Variants in BRWD3 observed in about 807,000 individuals in gnomAD.
BRWD3 encodes bromodomain and WD repeat domain containing 3.
BRWD3 carries 10 observed loss-of-function variants against 149.7 expected under a neutral mutation model. That is an observed-to-expected ratio of 0.07 (90% CI 0.04 to 0.11). The LOEUF is 0.11. BRWD3 is among the 10% of genes least tolerant of loss of function. BRWD3 has a pLI of 1.00. For synonymous variants in BRWD3, 504 were observed against 456.7 expected (o/e 1.10, Z -1.32); for missense variants, 940 against 1,373.2 (o/e 0.68, Z 4.99).
intron 4 of BRWD3, among the ~76,000 whole-genome samples, chrX:80,795,367 A>G (rs868748144): frequency 9.2e-6 from 1 of 108,542 alleles, no homozygotes; most frequent in Non-Finnish European, 1.9e-5. Context: ...ACACACACAC[A>G]TGTGTATATA....
chrX:80,755,006 T>C (rs900152658), intron 6 of BRWD3, among the ~76,000 whole-genome samples: 2 of 110,741 alleles, frequency 1.8e-5, no homozygotes, highest in Admixed American at 1.9e-4. Flanking sequence ...AAACTCCGTC[T>C]CAAATTAAAA....
intron 8 of BRWD3, among the ~76,000 whole-genome samples, chrX:80,736,791 T>C (rs2073411177): frequency 9.0e-6 from 1 of 111,222 alleles, no homozygotes; most frequent in Non-Finnish European, 1.9e-5. Flanking sequence ...CTCTCAGTAT[T>C]TTACATATCC....
At chrX:80,778,633 C>T (rs941050282) in intron 6 of BRWD3, among the ~76,000 whole-genome samples, 4 of 112,476 alleles carry the variant, frequency 3.6e-5, no homozygotes, top group Admixed American at 9.4e-5. Context: ...CGTAATTAAG[C>T]AGAGCTAAAA....
At position 80,709,552 on chromosome X, in the gene BRWD3, C is replaced by T. The variant is rs760562830; in HGVS notation, c.2351G>A (p.Arg784His). Reference sequence around the variant, plus strand: ...TTTGCGCTGTGTCCTGCGTAAAGAACGCCCACAGCTAGGCTCATAATCATT... The same window carrying T: ...TTTGCGCTGTGTCCTGCGTAAAGAATGCCCACAGCTAGGCTCATAATCATT... ...QRNDYEPSCG[R>H]SLRRTQRKRQ... Residue 784 changes from arginine to histidine, a missense_variant, in exon 21 of 41, where the codon CGT becomes CAT. By Grantham distance (29) the Arg-to-His change is conservative. Around this residue, in one of 6 missense-constraint regions of BRWD3, gnomAD observed 103 missense variants for 103.2 expected, o/e 1.00. Transcript: ENST00000373275. The T allele has an allele frequency of 1.2e-5, 14 of 1,208,012 alleles. No homozygotes were observed. The highest frequency in any genetic ancestry group is 8.8e-5 in the African/African-American group (5 of 56,867).
intron 4 of BRWD3, among the ~76,000 whole-genome samples, chrX:80,806,137 C>T (rs963341504): frequency 1.8e-5 from 2 of 111,360 alleles, no homozygotes; most frequent in Non-Finnish European, 3.8e-5. Flanking sequence ...TGCCCATCTT[C>T]TCTTACAAAG....
chrX:80,765,944 T>A (rs1175956220), intron 6 of BRWD3, among the ~76,000 whole-genome samples: 2 of 112,137 alleles, frequency 1.8e-5, no homozygotes, highest in Non-Finnish European at 3.8e-5. Context: ...CAAATACAGA[T>A]AATTTAAGGA....
At chrX:80,734,402 C>T (rs1200810187) in intron 10 of BRWD3, among the ~76,000 whole-genome samples, 184 bp from the exon 11 acceptor site, 1 of 111,812 alleles carries the variant, frequency 8.9e-6, no homozygotes, top group Non-Finnish European at 1.9e-5. Context: ...ATTCATCCAA[C>T]AAAATCTACA....
rs979436129 is a variant in BRWD3 at position 80,727,412 on chromosome X, G to A, written c.1386+1340C>T. The stretch of plus-strand genomic sequence containing the variant: ...CCTGTCCACTTTTCCAATTGTATCT[G>A]GGGAGAATCTGTTTCTGCTCTCTGT... On this transcript the variant is annotated intron_variant, in intron 14 of 40. Coordinates refer to ENST00000373275, the MANE Select transcript of BRWD3 (RefSeq NM_153252.5). Among the ~76,000 whole-genome samples, 7 of 110,903 alleles carry A rather than the reference G, an allele frequency of 6.3e-5. No individual in the cohort carries two copies. The Admixed American group carries it at 6.7e-4, about 11-fold the overall frequency.
chrX:80,741,865 G>C (rs1317994555), intron 8 of BRWD3, among the ~76,000 whole-genome samples: 1 of 111,933 alleles, frequency 8.9e-6, no homozygotes, highest in East Asian at 2.8e-4. Context: ...TAGGTTGCCT[G>C]TTCACTCTGA....
chrX:80,785,302 A>T (rs2074097318), intron 6 of BRWD3, among the ~76,000 whole-genome samples: 1 of 112,256 alleles, frequency 8.9e-6, no homozygotes, highest in Non-Finnish European at 1.9e-5. Context: ...GCATACAGCT[A>T]ATGAAATGGC....
intron 14 of BRWD3, among the ~76,000 whole-genome samples, chrX:80,726,353 CAT>C (rs1220099330): frequency 6.3e-5 from 4 of 62,996 alleles, no homozygotes; most frequent in East Asian, 1.0e-3. Context: ...GTCTGTATAA[CAT>C]ATAACATGTT....
At chrX:80,808,635 C>T in intron 3 of BRWD3, 37 bp from the exon 4 acceptor site, 1 of 1,171,958 alleles carries the variant, frequency 8.5e-7, no homozygotes, top group Non-Finnish European at 1.2e-6. Flanking sequence ...GAAGCGGAGG[C>T]AAATGATGAA....
At chrX:80,738,551 C>G (rs1052829093) in intron 8 of BRWD3, among the ~76,000 whole-genome samples, 5 of 101,092 alleles carry the variant, frequency 4.9e-5, no homozygotes, top group Admixed American at 2.3e-4. Flanking sequence ...TAAAGAATAC[C>G]AAAAGATGAC....
chrX:80,700,420 A>G (rs1260611692), intron 24 of BRWD3, among the ~76,000 whole-genome samples: 1 of 96,352 alleles, frequency 1.0e-5, no homozygotes, highest in Non-Finnish European at 2.1e-5. Flanking sequence ...TCAACTGCAG[A>G]TTGAAAATAT....
At chrX:80,768,834 C>T (rs908729065) in intron 6 of BRWD3, among the ~76,000 whole-genome samples, 6 of 109,177 alleles carry the variant, frequency 5.5e-5, no homozygotes, top group African/African-American at 2.0e-4. Context: ...TTCAGGAGAC[C>T]CAACTCAGGT....
intron 24 of BRWD3, among the ~76,000 whole-genome samples, chrX:80,700,703 C>T (rs2147709285): frequency 9.4e-6 from 1 of 106,717 alleles, no homozygotes; most frequent in African/African-American, 3.4e-5. Context: ...CAACATTGCA[C>T]TCCAGCCTGG....
chrX:80,696,919 TATA>T, intron 25 of BRWD3, 56 bp from the exon 26 acceptor site: 2 of 1,036,271 alleles, frequency 1.9e-6, no homozygotes, highest in Non-Finnish European at 2.7e-6. Flanking sequence ...TTAACATTTG[TATA>T]ATATTTCATT....
chrX:80,740,981 A>C (rs1471237664), intron 8 of BRWD3, among the ~76,000 whole-genome samples: 2 of 111,049 alleles, frequency 1.8e-5, no homozygotes, highest in African/African-American at 6.6e-5. Flanking sequence ...ACATACGTAT[A>C]CATGTGCCAT....
rs756929264 is a variant in BRWD3, at chrX:80,700,068, A to C, written c.2836-4T>G. On this transcript the variant is annotated splice_region_variant and splice_polypyrimidine_tract_variant and intron_variant, in intron 24 of 40. Coordinates refer to ENST00000373275, the MANE Select transcript of BRWD3 (RefSeq NM_153252.5). ...GTCCTTGCCTAAAATAGATAAGCTA[A>C]AACAGAAAACATAAGGTATTAAACA... The C allele has an allele frequency of 2.5e-6, 3 of 1,181,703 alleles. No homozygotes were observed. The highest frequency in any genetic ancestry group is 3.4e-6 in the Non-Finnish European group (3 of 869,731).
Sources: gnomAD v4.1 joint callset for allele counts (sites outside exome capture counted in the v4.1 genomes callset) on GRCh38, gnomAD v4.1.1 for gene constraint, gnomAD v4.1.1 regional missense constraint, MANE v1.5 for transcripts, NCBI Gene and HGNC (gene_info 2026-07-23, HGNC 2026-07-21) for gene names.